LONP2: variants seen among roughly 807,000 people sequenced by gnomAD.
LONP2 encodes the protein lon protease homolog 2, peroxisomal.
A neutral mutation model predicts 85.6 loss-of-function variants in LONP2; 60 were observed. The ratio of observed to expected loss-of-function variants is 0.70; its 90% confidence interval spans 0.57 to 0.87. The LOEUF (loss-of-function observed/expected upper bound fraction) is 0.87. LONP2 is among the 40% of genes least tolerant of loss of function. The pLI is 0.00. For synonymous variants in LONP2, 395 were observed against 389.7 expected (o/e 1.01, Z -0.16); for missense variants, 860 against 1,063.5 (o/e 0.81, Z 2.66).
intron 8 of LONP2, among the ~76,000 whole-genome samples, chr16:48,278,507 T>C (rs1972262025): frequency 6.6e-6 from 1 of 152,228 alleles, no homozygotes; most frequent in African/African-American, 2.4e-5. Context: ...TATCTGAAAA[T>C]GTCTTTATGT....
At chr16:48,248,074 C>T (rs1971504342) in intron 1 of LONP2, among the ~76,000 whole-genome samples, 1 of 151,862 alleles carries the variant, frequency 6.6e-6, no homozygotes, top group Non-Finnish European at 1.5e-5. Flanking sequence ...AAATTTATTT[C>T]TTAAATTTAT....
intron 11 of LONP2, among the ~76,000 whole-genome samples, chr16:48,313,662 T>G (rs1250018540): frequency 6.6e-6 from 1 of 152,208 alleles, no homozygotes; most frequent in African/African-American, 2.4e-5. Flanking sequence ...ATGCTCTCGT[T>G]CCTTTTTATG....
At chr16:48,359,773 G>A (rs921241314), downstream of LONP2, among the ~76,000 whole-genome samples, 1 of 151,742 alleles carries the variant, frequency 6.6e-6, no homozygotes, top group African/African-American at 2.4e-5. Flanking sequence ...TTTATGTAAG[G>A]AAGAGACTAC....
At chr16:48,317,790 G>C (rs1376340203) in intron 11 of LONP2, among the ~76,000 whole-genome samples, 1 of 152,230 alleles carries the variant, frequency 6.6e-6, no homozygotes, top group Admixed American at 6.5e-5. Context: ...TGACAGGCCT[G>C]TCCTCTTATG....
At chr16:48,264,109 C>G (rs760404565) in intron 6 of LONP2, among the ~76,000 whole-genome samples, 1 of 152,120 alleles carries the variant, frequency 6.6e-6, no homozygotes, top group African/African-American at 2.4e-5. Flanking sequence ...ACCACAGCTC[C>G]GAGGCGAAAT....
chr16:48,343,973 A>G (rs1959892822), intron 12 of LONP2: 1 of 152,232 alleles, frequency 6.6e-6, no homozygotes, highest in South Asian at 2.1e-4. Flanking sequence ...GTCTAGGCCT[A>G]TCTTGGCTAA....
intron 11 of LONP2, among the ~76,000 whole-genome samples, chr16:48,320,095 G>A (rs1003321793): frequency 2.7e-5 from 4 of 150,808 alleles, no homozygotes; most frequent in Non-Finnish European, 5.9e-5. Flanking sequence ...GGGGGGCGGA[G>A]GTTGCAGTGA....
chr16:48,298,265 A>G (rs574057146), intron 9 of LONP2, among the ~76,000 whole-genome samples: 12 of 152,172 alleles, frequency 7.9e-5, no homozygotes, highest in Non-Finnish European at 1.6e-4. Context: ...TGCCTTATCA[A>G]TTCATATTTT....
chr16:48,296,107 C>T lies in LONP2; in HGVS notation c.1476C>T (p.Asn492=). The T allele has an allele frequency of 6.2e-7, 1 of 1,614,180 alleles. No homozygotes were observed. Among genetic ancestry groups the T allele is most frequent in the Non-Finnish European group, 8.5e-7 (1 of 1,180,006 alleles). The change falls in exon 9 of 15, where the codon AAC becomes AAT. Residue 492 remains asparagine, a synonymous_variant. Transcript: ENST00000285737. ...AAGTTCTTTTTATAGCTACTGCCAACACCACTGCTACCATTCCAGCTGCCT... is the reference window on the plus strand; with the variant it reads ...AAGTTCTTTTTATAGCTACTGCCAATACCACTGCTACCATTCCAGCTGCCT... ...LSQVLFIATA[N]TTATIPAALL...
intron 11 of LONP2, among the ~76,000 whole-genome samples, chr16:48,322,010 TC>T (rs1973276209): frequency 6.6e-6 from 1 of 151,998 alleles, no homozygotes; most frequent in African/African-American, 2.4e-5. Context: ...GGTCTTGAAC[TC>T]TTGGGCTCAA....
intron 5 of LONP2, 45 bp from the exon 6 acceptor site, chr16:48,262,733 T>C: frequency 8.0e-7 from 1 of 1,250,806 alleles, no homozygotes; most frequent in Admixed American, 2.0e-5. Flanking sequence ...TTATGGAATT[T>C]TTCTGTGTTC....
At chr16:48,244,900 G>A (rs191397310) in intron 1 of LONP2, among the ~76,000 whole-genome samples, 27 of 152,246 alleles carry the variant, frequency 1.8e-4, no homozygotes, top group Non-Finnish European at 3.5e-4. Context: ...CCCCCTCTCC[G>A]CAATTCCTCG....
In LONP2 at chr16:48,362,751, T is replaced by G. The variant is rs1960646051; in HGVS notation, c.*888T>G. 1 of 240,100 alleles carries G rather than the reference T, an allele frequency of 4.2e-6. No homozygotes were observed. Among genetic ancestry groups the G allele is most frequent in the Non-Finnish European group, 8.8e-6 (1 of 113,526 alleles). 14.9% of individuals were successfully genotyped at this position (240,100 alleles called of 1,614,324 possible). On this transcript the variant is annotated 3_prime_UTR_variant, in exon 5 of 5. Coordinates refer to the LONP2 transcript ENST00000565867. The surrounding 1 kb of genome is among the most constrained non-coding windows in gnomAD (Gnocchi z 4.2). ...ATGGACCATAAACAACTAAAGAAAC[T>G]ATACAAGGAACTGAAGTTTAATCGA...
chr16:48,295,897 C>G (rs1276224383), intron 8 of LONP2, 118 bp from the exon 9 acceptor site: 4 of 881,346 alleles, frequency 4.5e-6, no homozygotes, highest in East Asian at 5.0e-5. Context: ...TTGTCTGTTT[C>G]TTAAATTCTT....
chr16:48,252,721 A>C (rs1971680695), intron 2 of LONP2, among the ~76,000 whole-genome samples: 1 of 152,244 alleles, frequency 6.6e-6, no homozygotes, highest in African/African-American at 2.4e-5. Flanking sequence ...TATAAATTAC[A>C]ATATATTACT....
At chr16:48,293,230 C>T (rs1318993907) in intron 8 of LONP2, among the ~76,000 whole-genome samples, 1 of 152,050 alleles carries the variant, frequency 6.6e-6, no homozygotes, top group Non-Finnish European at 1.5e-5. Flanking sequence ...AGATCGAGAC[C>T]ATCCTGGCTA....
chr16:48,362,128 C>T (rs1173823677), downstream of LONP2: 1 of 1,614,056 alleles, frequency 6.2e-7, no homozygotes, highest in Non-Finnish European at 8.5e-7. This position sits in a 1 kb window ranked among gnomAD's most constrained non-coding sequence, Gnocchi z 4.2. Flanking sequence ...CCAGAAGACG[C>T]ATATTTACAG....
Position 48,355,617 on chromosome 16 carries a change from A to G in LONP2, c.*3815A>G, listed in dbSNP as rs1042089054. ...TTCCACCGCAGCTGCACCATTTGACATTCCTTCCAGCAATGCACAAATGTT... is the reference window on the plus strand; with the variant it reads ...TTCCACCGCAGCTGCACCATTTGACGTTCCTTCCAGCAATGCACAAATGTT... On this transcript the variant is annotated 3_prime_UTR_variant, in exon 15 of 15. Coordinates refer to ENST00000285737, the MANE Select transcript of LONP2 (RefSeq NM_031490.5). 6.6e-6 allele frequency: 1 copy of G among 152,208 alleles called. No homozygotes were observed. The highest frequency in any genetic ancestry group is 2.4e-5 in the African/African-American group (1 of 41,436). The allele number at this position is 152,208 out of a possible 1,614,324, so 9.4% of individuals were successfully genotyped here. A position where few individuals can be genotyped will look rare whatever the true frequency, so the allele number is the denominator to read the frequency against.
intron 2 of LONP2, among the ~76,000 whole-genome samples, chr16:48,253,202 G>A (rs1021836460): frequency 6.6e-6 from 1 of 152,150 alleles, no homozygotes; most frequent in African/African-American, 2.4e-5. Context: ...AGGTGCGCTG[G>A]TGCACACCTG....
Sources: allele counts gnomAD v4.1 joint callset (sites outside exome capture counted in the v4.1 genomes callset), GRCh38; gene constraint gnomAD v4.1.1; non-coding constraint Gnocchi (gnomAD v3.1); transcripts MANE v1.5; gene names NCBI Gene and HGNC (gene_info 2026-07-23, HGNC 2026-07-21).